Variants in SORCS1 observed in about 807,000 individuals in gnomAD.
SORCS1 encodes sortilin related VPS10 domain containing receptor 1.
In SORCS1, 60 loss-of-function variants were observed where a neutral mutation model predicts 146.1. The ratio of observed to expected loss-of-function variants is 0.41; its 90% CI spans 0.33 to 0.51. The LOEUF (loss-of-function observed/expected upper bound fraction) is 0.51, where lower values mean the gene tolerates loss of function less well. Ranked by LOEUF, SORCS1 falls within the 20% of genes least tolerant of loss-of-function variation. The pLI is 0.21. For synonymous variants in SORCS1, 637 were observed against 584.0 expected, an observed-to-expected ratio of 1.09 and a Z score of -1.31; for missense variants, 1,352 against 1,487.6, an observed-to-expected ratio of 0.91 and a Z score of 1.50.
intron 18 of SORCS1, among the ~76,000 whole-genome samples, chr10:106,630,660 A>T (rs1432433655): frequency 6.6e-6 from 1 of 152,220 alleles, no homozygotes; most frequent in Non-Finnish European, 1.5e-5. Context: ...AGTTGTAAAA[A>T]CTATGCAGTA....
rs182452606 is a variant in SORCS1 at position 106,931,090 on chromosome 10, T to C, written c.626+25423A>G. ...AGTTGAATCCTGGAAAAATATACAC[T>C]GGTTGTCTAATTTCCTTCCTAATTT... is the stretch of plus-strand genomic sequence containing the variant. On this transcript the variant is annotated intron_variant, in intron 2 of 25. Coordinates refer to ENST00000263054, the MANE Select transcript of SORCS1 (RefSeq NM_052918.5). Among the ~76,000 whole-genome samples the C allele has an allele frequency of 1.2e-4, 19 of 152,302 alleles. No individual in the cohort carries two copies. In the South Asian group the frequency reaches 2.7e-3, roughly 22 times the overall value.
intron 1 of SORCS1, among the ~76,000 whole-genome samples, chr10:107,013,546 C>G (rs1957770320): frequency 6.6e-6 from 1 of 152,052 alleles, no homozygotes; most frequent in African/African-American, 2.4e-5. Flanking sequence ...CCTGCAGTAT[C>G]AGTAGGATTA....
At chr10:106,828,400 G>T (rs1277144671) in intron 3 of SORCS1, among the ~76,000 whole-genome samples, 1 of 152,160 alleles carries the variant, frequency 6.6e-6, no homozygotes. Context: ...GAGCAACAGT[G>T]GTGGGGCTAG....
intron 4 of SORCS1, among the ~76,000 whole-genome samples, chr10:106,774,382 TCAAA>T (rs1225601407): frequency 6.6e-5 from 10 of 151,546 alleles, no homozygotes; most frequent in African/African-American, 2.4e-4. Flanking sequence ...TTCCTAAAAA[TCAAA>T]CAGCCAAAAC....
At chr10:106,720,905 G>A (rs1855735802) in intron 6 of SORCS1, among the ~76,000 whole-genome samples, 1 of 151,938 alleles carries the variant, frequency 6.6e-6, no homozygotes, top group Admixed American at 6.6e-5. Context: ...GTCACTATCA[G>A]GCTTTTCAAT....
At chr10:106,995,734 C>T (rs1161292224) in intron 1 of SORCS1, among the ~76,000 whole-genome samples, 4 of 151,898 alleles carry the variant, frequency 2.6e-5, no homozygotes, top group Non-Finnish European at 5.9e-5. Context: ...ATTGCAGCAG[C>T]AGTGGTAGTG....
chr10:107,024,575 T>C (rs746583255), intron 1 of SORCS1, among the ~76,000 whole-genome samples: 1 of 152,230 alleles, frequency 6.6e-6, no homozygotes, highest in Non-Finnish European at 1.5e-5. Flanking sequence ...TCTAGATTTC[T>C]GTAACAGGAA....
chr10:107,016,250 A>C (rs1213278242), intron 1 of SORCS1, among the ~76,000 whole-genome samples: 2 of 152,344 alleles, frequency 1.3e-5, no homozygotes, highest in Admixed American at 6.5e-5. Context: ...GTCAGAAAAG[A>C]TGGCTTTTTC....
chr10:107,096,470 T>C (rs1018694282), intron 1 of SORCS1, among the ~76,000 whole-genome samples: 1 of 152,212 alleles, frequency 6.6e-6, no homozygotes, highest in African/African-American at 2.4e-5. Flanking sequence ...TACTATATCA[T>C]ATGCCCTTAG....
intron 3 of SORCS1, among the ~76,000 whole-genome samples, chr10:106,802,768 G>C (rs1389626797): frequency 6.6e-6 from 1 of 151,516 alleles, no homozygotes; most frequent in African/African-American, 2.4e-5. Flanking sequence ...CAAAGTGCTG[G>C]AATTACAGGC....
intron 17 of SORCS1, among the ~76,000 whole-genome samples, chr10:106,666,183 A>G (rs1851124284): frequency 6.6e-6 from 1 of 152,124 alleles, no homozygotes; most frequent in African/African-American, 2.4e-5. Flanking sequence ...AAGTCAGTAG[A>G]CTGAGTAAAG....
At chr10:106,714,834 G>A (rs1855253137) in intron 6 of SORCS1, among the ~76,000 whole-genome samples, 1 of 152,100 alleles carries the variant, frequency 6.6e-6, no homozygotes, top group African/African-American at 2.4e-5. Context: ...CTCTCTGCTT[G>A]TTCTTTCTCT....
intron 24 of SORCS1, among the ~76,000 whole-genome samples, chr10:106,589,696 C>G (rs1346618528): frequency 1.8e-5 from 2 of 110,390 alleles, no homozygotes; most frequent in African/African-American, 7.6e-5. Context: ...TCTTTGACGA[C>G]GAAAAAAAAA....
intron 1 of SORCS1, among the ~76,000 whole-genome samples, chr10:107,070,666 C>G (rs943406979): frequency 6.6e-6 from 1 of 152,016 alleles, no homozygotes; most frequent in Non-Finnish European, 1.5e-5. Context: ...TCACAGAACA[C>G]GAGTAATACA....
rs142631629 is a variant in SORCS1 at position 106,867,915 on chromosome 10, A to T, written c.627-38242T>A. On this transcript the variant is annotated intron_variant, in intron 2 of 25. Transcript: ENST00000263054. Reference sequence around the variant, plus strand: ...CCCACTTTAAAGGCACAGAGTGTCAAGCTGGATGAAAAAGCAAGATCCCAT... The same window carrying T: ...CCCACTTTAAAGGCACAGAGTGTCATGCTGGATGAAAAAGCAAGATCCCAT... Among the ~76,000 whole-genome samples the T allele has an allele frequency of 5.5e-3, 843 of 152,316 alleles. 7 individuals carry two copies. The highest frequency in any genetic ancestry group is 0.019 in the African/African-American group (791 of 41,570).
intron 5 of SORCS1, among the ~76,000 whole-genome samples, chr10:106,736,481 A>C (rs1352836270): frequency 6.6e-6 from 1 of 152,104 alleles, no homozygotes; most frequent in Non-Finnish European, 1.5e-5. Context: ...GTCTGCTACC[A>C]AAGTGCCTGG....
rs564233089 is a variant in SORCS1, at chr10:107,084,506, T to C, written c.558+79463A>G. Among the ~76,000 whole-genome samples, 13 of 152,196 alleles carry C rather than the reference T, an allele frequency of 8.5e-5. No homozygotes were observed. In the East Asian group the frequency reaches 2.5e-3, roughly 29 times the overall value. On this transcript the variant is annotated intron_variant, in intron 1 of 25. Coordinates refer to ENST00000263054, the MANE Select transcript of SORCS1 (RefSeq NM_052918.5). ...TATAAAGACTGCAGATGTGTTTGTG[T>C]ATGTATATGTATGGGAAGAGAAAAG...
intron 2 of SORCS1, among the ~76,000 whole-genome samples, chr10:106,912,853 A>G (rs1247515891): frequency 6.6e-6 from 1 of 151,450 alleles, no homozygotes; most frequent in Non-Finnish European, 1.5e-5. Flanking sequence ...TAATTTTTGT[A>G]TTTTTTTAGT....
At chr10:106,584,267 T>C (rs1018188740) in intron 24 of SORCS1, among the ~76,000 whole-genome samples, 2 of 152,194 alleles carry the variant, frequency 1.3e-5, no homozygotes, top group African/African-American at 4.8e-5. Flanking sequence ...TTCCCTCCAT[T>C]TAGAAACAAA....
Sources: gnomAD v4.1 joint callset for allele counts (sites outside exome capture counted in the v4.1 genomes callset) on GRCh38, gnomAD v4.1.1 for gene constraint, MANE v1.5 for transcripts, NCBI Gene and HGNC (gene_info 2026-07-23, HGNC 2026-07-21) for gene names.